ANKDD1A: variants seen among roughly 807,000 people sequenced by gnomAD.
ANKDD1A encodes the protein ankyrin repeat and death domain-containing protein 1A.
A neutral mutation model predicts 63.5 loss-of-function variants in ANKDD1A; 59 were observed. The observed-to-expected ratio is 0.93, with a 90% CI of 0.75 to 1.15. ANKDD1A has a LOEUF of 1.15. Among genes scored for constraint, ANKDD1A ranks in the 50% most tolerant of loss-of-function variants. The pLI is 0.00. For synonymous variants in ANKDD1A, 266 were observed against 263.9 expected, an observed-to-expected ratio of 1.01 and a Z score of -0.08; for missense variants, 632 against 656.4, an observed-to-expected ratio of 0.96 and a Z score of 0.41.
At chr15:64,933,807 C>CTCCA (rs2085107501) in intron 8 of ANKDD1A, among the ~76,000 whole-genome samples, 1 of 151,414 alleles carries the variant, frequency 6.6e-6, no homozygotes, top group South Asian at 2.1e-4. Flanking sequence ...GTGCCATGTA[C>CTCCA]TCCAGCTTGG....
intron 12 of ANKDD1A, among the ~76,000 whole-genome samples, chr15:64,945,853 C>T (rs1337831509): frequency 6.6e-6 from 1 of 151,134 alleles, no homozygotes; most frequent in Non-Finnish European, 1.5e-5. Context: ...AGGATGGTCT[C>T]AATCTTCTGA....
chr15:64,920,740 G>A (rs1243895784), intron 3 of ANKDD1A, among the ~76,000 whole-genome samples: 12 of 151,804 alleles, frequency 7.9e-5, no homozygotes, highest in Admixed American at 2.0e-4. Flanking sequence ...ATAGAGACAG[G>A]TCTCATTATA....
chr15:64,929,207 T>C (rs909602797), intron 6 of ANKDD1A, among the ~76,000 whole-genome samples: 3 of 152,216 alleles, frequency 2.0e-5, no homozygotes, highest in Non-Finnish European at 4.4e-5. Context: ...AAGATCTTAC[T>C]CTGTTGCCCA....
rs955528786 is a variant in ANKDD1A at position 64,948,916 on chromosome 15, G to A, written c.1352-925G>A. Among the ~76,000 whole-genome samples the A allele has an allele frequency of 3.9e-5, 6 of 152,164 alleles. No homozygotes were observed. In the South Asian group the frequency reaches 6.2e-4, roughly 16 times the overall value. On this transcript the variant is annotated intron_variant, in intron 13 of 14. Coordinates refer to ENST00000319580, the MANE Select transcript of ANKDD1A (RefSeq NM_182703.6). ...GATAGAGCAGAGTTCAAAAGTAAAC[G>A]CTGCTACGGATAAGAACTTTCATAT...
intron 9 of ANKDD1A, among the ~76,000 whole-genome samples, chr15:64,941,758 G>A (rs1032990659): frequency 6.6e-6 from 1 of 152,148 alleles, no homozygotes; most frequent in East Asian, 1.9e-4. Flanking sequence ...AGAGAGGGGG[G>A]AGTATCCCCT....
In ANKDD1A at chr15:64,913,264, G is replaced by A. The variant is rs113138071; in HGVS notation, c.34+1300G>A. ...AATGGAAGAAACAGACCTACAAGGG[G>A]GATGTGACTAGCCCAGGATCCTGCT... On this transcript the variant is annotated intron_variant, in intron 1 of 14. Coordinates refer to ENST00000319580, the MANE Select transcript of ANKDD1A (RefSeq NM_182703.6). 1.2e-3 allele frequency among the ~76,000 whole-genome samples: 180 copies of A among 152,294 alleles called. 1 individual carries two copies. The highest frequency in any genetic ancestry group is 4.2e-3 in the African/African-American group (175 of 41,556).
At chr15:64,918,689 C>G (rs557269671) in intron 3 of ANKDD1A, among the ~76,000 whole-genome samples, 95 of 152,160 alleles carry the variant, frequency 6.2e-4, no homozygotes, top group Non-Finnish European at 1.2e-3. Flanking sequence ...TGCGGTGGCT[C>G]ACACCAGTAA....
At chr15:64,937,205 G>A (rs2085140928) in intron 9 of ANKDD1A, among the ~76,000 whole-genome samples, 2 of 152,088 alleles carry the variant, frequency 1.3e-5, no homozygotes, top group African/African-American at 4.8e-5. Flanking sequence ...TCTGTTCAGA[G>A]GGTAATTTAC....
chr15:64,941,216 A>G (rs753542834), intron 9 of ANKDD1A, among the ~76,000 whole-genome samples: 1 of 152,196 alleles, frequency 6.6e-6, no homozygotes, highest in Non-Finnish European at 1.5e-5. Flanking sequence ...TAAGCATTCA[A>G]TACAAGAATG....
chr15:64,912,431 C>T (rs998338615), intron 1 of ANKDD1A, among the ~76,000 whole-genome samples: 1 of 152,196 alleles, frequency 6.6e-6, no homozygotes, highest in African/African-American at 2.4e-5. Flanking sequence ...GCCCAGCTCA[C>T]CCGGAATGCT....
chr15:64,954,021 C>CCT (rs2085370326), intron 14 of ANKDD1A, among the ~76,000 whole-genome samples: 1 of 118,924 alleles, frequency 8.4e-6, no homozygotes, highest in Non-Finnish European at 1.7e-5. Context: ...CTTCTTTCCT[C>CCT]TTCTTTTCTT....
rs1277861527 is a variant in ANKDD1A at position 64,945,607 on chromosome 15, C to CTTATATATATATAT, written c.1161+860_1161+861insTTATATATATATAT. 1.9e-3 allele frequency among the ~76,000 whole-genome samples: 139 copies of CTTATATATATATAT among 73,858 alleles called. 6 individuals carry two copies. Among genetic ancestry groups the CTTATATATATATAT allele is most frequent in the African/African-American group, 6.0e-3 (97 of 16,200 alleles). The allele number at this position is 73,858 out of a possible 152,430, so 48.5% of individuals were successfully genotyped here. A position where few individuals can be genotyped will look rare whatever the true frequency, so the allele number is the denominator to read the frequency against. On this transcript the variant is annotated intron_variant, in intron 12 of 14. Coordinates refer to ENST00000319580, the MANE Select transcript of ANKDD1A (RefSeq NM_182703.6). The stretch of plus-strand genomic sequence containing the variant: ...TTAGAGGGATTAAATGCATTTTCAA[C>CTTATATATATATAT]ATATATATATATATATATATATATG...
Position 64,949,973 on chromosome 15 carries a change from G to C in ANKDD1A, c.1483+1G>C, listed in dbSNP as rs747394699. On this transcript the variant is annotated splice_donor_variant, in intron 14 of 14. Transcript: ENST00000319580. LOFTEE classifies it high-confidence loss of function. ...GCCATTGGCAGGAGGGACCTGGCTG[G>C]TAAGAGCGTACTCTGCTGGGCTGCT... The C allele has an allele frequency of 4.4e-6, 7 of 1,609,136 alleles. No individual in the cohort carries two copies. Among genetic ancestry groups the C allele is most frequent in the East Asian group, 2.2e-5 (1 of 44,886 alleles).
At chr15:64,954,695 G>C (rs1234906182) in intron 14 of ANKDD1A, among the ~76,000 whole-genome samples, 55 of 113,014 alleles carry the variant, frequency 4.9e-4, no homozygotes, top group Non-Finnish European at 8.8e-4. Flanking sequence ...CCTTCTCCTT[G>C]TTCTTCTCCT....
At chr15:64,952,829 TCTTC>T (rs1326043575) in intron 14 of ANKDD1A, among the ~76,000 whole-genome samples, 1 of 137,574 alleles carries the variant, frequency 7.3e-6, no homozygotes, top group Non-Finnish European at 1.6e-5. Flanking sequence ...TCCTCCTCCT[TCTTC>T]CTTTCTTCTC....
In ANKDD1A at chr15:64,943,586, C is replaced by T. The variant is rs1182027975; in HGVS notation, c.1065+4C>T. On this transcript the variant is annotated splice_donor_region_variant and intron_variant, in intron 11 of 14. Transcript: ENST00000319580. ...TGACTTAAACCTGAGAGATAAGGTA[C>T]CTCTGCTTACAACCCACCTCGCTTC... The T allele has an allele frequency of 8.1e-6, 13 of 1,613,898 alleles. No individual in the cohort carries two copies. The highest frequency in any genetic ancestry group is 3.3e-4 in the Middle Eastern group (2 of 6,058).
chr15:64,931,733 T>G, intron 8 of ANKDD1A, 148 bp downstream of exon 8: 1 of 806,486 alleles, frequency 1.2e-6, no homozygotes, highest in Non-Finnish European at 2.0e-6. Flanking sequence ...TCTCCACTGC[T>G]GAGCCCTGTG....
Position 64,936,619 on chromosome 15 carries a change from G to A in ANKDD1A, c.867+2385G>A, listed in dbSNP as rs148564097. Among the ~76,000 whole-genome samples, 64 of 152,142 alleles carry A rather than the reference G, an allele frequency of 4.2e-4. 2 individuals carry two copies. In the East Asian group the frequency reaches 0.011, roughly 26 times the overall value. On this transcript the variant is annotated intron_variant, in intron 9 of 14. Transcript: ENST00000319580. ...TTTGGAAGGCTGAGGTGGGAGGATC[G>A]CTTGAGTCCAGGAGTTCGAGACCAG...
intron 3 of ANKDD1A, 122 bp downstream of exon 3, chr15:64,917,636 G>A: frequency 2.1e-6 from 3 of 1,420,394 alleles, no homozygotes; most frequent in East Asian, 2.6e-5. Context: ...GAGTGGTGGG[G>A]AGTCAGAGGC....
Sources: allele counts gnomAD v4.1 joint callset (sites outside exome capture counted in the v4.1 genomes callset), GRCh38; gene constraint gnomAD v4.1.1; transcripts MANE v1.5; gene names NCBI Gene and HGNC (gene_info 2026-07-23, HGNC 2026-07-21).